Variants in SOX5 observed in about 807,000 individuals in gnomAD.
SOX5 encodes transcription factor SOX-5.
SOX5 carries 9 observed loss-of-function variants against 92.0 expected under a neutral mutation model. The ratio of observed to expected loss-of-function variants is 0.10; its 90% CI spans 0.06 to 0.17. The LOEUF (loss-of-function observed/expected upper bound fraction) is 0.17. Among genes scored for constraint, SOX5 ranks in the 10% least tolerant of loss-of-function variants. The pLI is 1.00. For synonymous variants in SOX5, 344 were observed against 336.3 expected, an observed-to-expected ratio of 1.02 and a Z score of -0.25; for missense variants, 642 against 944.5, an observed-to-expected ratio of 0.68 and a Z score of 4.20.
At chr12:23,741,258 A>G (rs925643570) in intron 4 of SOX5, among the ~76,000 whole-genome samples, 2 of 152,158 alleles carry the variant, frequency 1.3e-5, no homozygotes, top group African/African-American at 4.8e-5. Context: ...GGCACAATAG[A>G]TAGTACATTG....
intron 11 of SOX5, among the ~76,000 whole-genome samples, chr12:23,546,739 C>T (rs1943212228): frequency 6.6e-6 from 1 of 152,092 alleles, no homozygotes; most frequent in Non-Finnish European, 1.5e-5. Context: ...ATGGAAGCAA[C>T]CTGTTTTACA....
intron 2 of SOX5, among the ~76,000 whole-genome samples, chr12:24,284,412 G>A (rs1945582747): frequency 7.7e-6 from 1 of 130,594 alleles, no homozygotes; most frequent in Admixed American, 8.6e-5. Context: ...GAGAATGTGG[G>A]AGGCACACGT....
chr12:24,558,569 A>C (rs1424863837), intron 1 of SOX5, among the ~76,000 whole-genome samples: 1 of 152,204 alleles, frequency 6.6e-6, no homozygotes, highest in South Asian at 2.1e-4. Flanking sequence ...CTTAAATATC[A>C]AAATTCATTA....
intron 8 of SOX5, among the ~76,000 whole-genome samples, chr12:23,624,015 A>G (rs2138183342): frequency 6.6e-6 from 1 of 152,272 alleles, no homozygotes; most frequent in East Asian, 1.9e-4. Flanking sequence ...TTAAAAAGGC[A>G]TGGAATTCTA....
chr12:23,902,609 T>C (rs1333586648), intron 1 of SOX5, among the ~76,000 whole-genome samples: 1 of 152,166 alleles, frequency 6.6e-6, no homozygotes, highest in East Asian at 1.9e-4. Context: ...ATATACAGTA[T>C]CTGAAACTAC....
intron 2 of SOX5, among the ~76,000 whole-genome samples, chr12:24,320,876 ATAAT>A (rs1565899574): frequency 4.7e-5 from 5 of 106,760 alleles, no homozygotes; most frequent in African/African-American, 1.4e-4. Context: ...AAAAAAAATA[ATAAT>A]AATAATAATA....
intron 7 of SOX5, among the ~76,000 whole-genome samples, chr12:23,657,297 A>G (rs2082431222): frequency 6.6e-6 from 1 of 152,180 alleles, no homozygotes; most frequent in Admixed American, 6.5e-5. Context: ...TTCTTTCATC[A>G]TGTTTAAGCT....
chr12:23,658,015 C>T (rs1039292158), intron 7 of SOX5, among the ~76,000 whole-genome samples: 4 of 151,936 alleles, frequency 2.6e-5, no homozygotes, highest in South Asian at 2.1e-4. Context: ...CTTGTGTGTA[C>T]GTATTTTGGT....
intron 9 of SOX5, among the ~76,000 whole-genome samples, chr12:23,591,369 T>C (rs1264356721): frequency 2.0e-5 from 3 of 152,110 alleles, no homozygotes; most frequent in East Asian, 3.8e-4. Flanking sequence ...GGCCAGCTAC[T>C]TAAAATTCAA....
intron 2 of SOX5, among the ~76,000 whole-genome samples, chr12:23,890,664 T>C (rs974387549): frequency 6.6e-6 from 1 of 152,160 alleles, no homozygotes; most frequent in African/African-American, 2.4e-5. Context: ...ATACTCATAT[T>C]GATTGACATG....
At chr12:24,019,898 T>C (rs981917789) in intron 4 of SOX5, among the ~76,000 whole-genome samples, 1 of 152,200 alleles carries the variant, frequency 6.6e-6, no homozygotes, top group Non-Finnish European at 1.5e-5. Context: ...GGCAATTAAT[T>C]ACTTTTACCA....
At chr12:23,655,711 A>G (rs555614373) in intron 7 of SOX5, among the ~76,000 whole-genome samples, 2 of 152,236 alleles carry the variant, frequency 1.3e-5, no homozygotes, top group East Asian at 3.9e-4. Context: ...AAATCACTAC[A>G]ATGGTAAGCC....
chr12:23,559,096 C>G (rs1945752507), intron 11 of SOX5, among the ~76,000 whole-genome samples: 1 of 152,174 alleles, frequency 6.6e-6, no homozygotes, highest in South Asian at 2.1e-4. Context: ...TTAAGACTGT[C>G]TGGTGGGATC....
chr12:23,895,567 G>A (rs2097168912), intron 2 of SOX5, among the ~76,000 whole-genome samples: 1 of 152,012 alleles, frequency 6.6e-6, no homozygotes, highest in Non-Finnish European at 1.5e-5. Flanking sequence ...TAAATTGTAA[G>A]TGTCTCAAAT....
At chr12:24,264,224 T>C (rs184888246) in intron 3 of SOX5, among the ~76,000 whole-genome samples, 9 of 152,218 alleles carry the variant, frequency 5.9e-5, no homozygotes, top group Non-Finnish European at 1.2e-4. Context: ...TGGCATTAGA[T>C]AGATATCTTG....
At chr12:23,977,723 T>C (rs1440402650) in intron 4 of SOX5, among the ~76,000 whole-genome samples, 1 of 150,746 alleles carries the variant, frequency 6.6e-6, no homozygotes. Context: ...GAAACAAAAT[T>C]TATCTCATTA....
intron 6 of SOX5, among the ~76,000 whole-genome samples, chr12:23,699,529 G>C (rs2090339048): frequency 6.6e-6 from 1 of 151,906 alleles, no homozygotes; most frequent in Non-Finnish European, 1.5e-5. Context: ...TATTTTTTGT[G>C]TGGTTTCATT....
At chr12:23,978,569 T>C (rs1009543406) in intron 4 of SOX5, among the ~76,000 whole-genome samples, 3 of 152,166 alleles carry the variant, frequency 2.0e-5, no homozygotes, top group Non-Finnish European at 4.4e-5. Flanking sequence ...TCACAATACA[T>C]GGTAGAAATA....
At chr12:23,967,910 G>A (rs902658032) in intron 4 of SOX5, among the ~76,000 whole-genome samples, 3 of 152,100 alleles carry the variant, frequency 2.0e-5, no homozygotes, top group African/African-American at 7.2e-5. Context: ...ACAATATCCA[G>A]ACCAAGGATA....
Sources: allele counts gnomAD v4.1 joint callset (sites outside exome capture counted in the v4.1 genomes callset), GRCh38; gene constraint gnomAD v4.1.1; transcripts MANE v1.5; gene names NCBI Gene and HGNC (gene_info 2026-07-23, HGNC 2026-07-21).